Variants in LY6S observed in about 807,000 individuals in gnomAD.
LY6S encodes the protein lymphocyte antigen 6 family member S, also known as lymphocyte antigen 6S.
chr8:143,066,148 A>ATTTCT, the LY6S span: 4,723 of 253,390 alleles, frequency 0.019, 97 homozygotes, highest in Middle Eastern at 0.043. Flanking sequence ...CCAATGATGA[A>ATTTCT]TTTCTTTTCT....
At chr8:143,064,916 T>C in the LY6S span, among the ~76,000 whole-genome samples, 1 of 152,184 alleles carries the variant, frequency 6.6e-6, no homozygotes, top group Non-Finnish European at 1.5e-5. Context: ...GCAGTGAGCA[T>C]AATGTCCCAG....
the LY6S span, among the ~76,000 whole-genome samples, chr8:143,073,440 C>T: frequency 1.4e-5 from 2 of 147,434 alleles, no homozygotes; most frequent in African/African-American, 5.0e-5. Context: ...CCTCGGGGTT[C>T]CTGTTTGAGG....
chr8:143,042,853 TCTCTGAGGCCCAG>T, the LY6S span: 1 of 461,248 alleles, frequency 2.2e-6, no homozygotes, highest in African/African-American at 2.0e-5. Context: ...TGGGGCCTGG[TCTCTGAGGCCCAG>T]CTCTGAAAAA....
the LY6S span, among the ~76,000 whole-genome samples, chr8:143,053,041 A>G: frequency 6.6e-6 from 1 of 152,096 alleles, no homozygotes; most frequent in African/African-American, 2.4e-5. Flanking sequence ...ACAACAGCAA[A>G]ATGCTGCCTG....
chr8:143,049,098 G>T, the LY6S span: 1 of 516,158 alleles, frequency 1.9e-6, no homozygotes, highest in Non-Finnish European at 4.0e-6. Flanking sequence ...ACCTCCTAGC[G>T]CCCTGATTTC....
the LY6S span, chr8:143,057,722 G>A: frequency 1.0e-5 from 8 of 794,300 alleles, no homozygotes; most frequent in Non-Finnish European, 1.8e-5. Context: ...GACCTCAAAG[G>A]GCACATTCAG....
chr8:143,067,752 A>G, the LY6S span, among the ~76,000 whole-genome samples: 1 of 152,242 alleles, frequency 6.6e-6, no homozygotes, highest in African/African-American at 2.4e-5. Flanking sequence ...TATCATGAAT[A>G]AGTTCAAGGG....
the LY6S span, chr8:143,044,918 GC>G: frequency 9.3e-7 from 1 of 1,080,142 alleles, no homozygotes. Context: ...GTCCCAACCT[GC>G]CACCTGGACC....
the LY6S span, among the ~76,000 whole-genome samples, chr8:143,065,210 C>A: frequency 1.3e-5 from 2 of 152,170 alleles, no homozygotes; most frequent in African/African-American, 4.8e-5. Flanking sequence ...AGAAGCCCTG[C>A]TGCTTCCCTG....
At chr8:143,043,208 C>T in the LY6S span, 4 of 1,367,584 alleles carry the variant, frequency 2.9e-6, no homozygotes, top group East Asian at 4.6e-5. Context: ...CCAGGACCAC[C>T]GCATTGCAGA....
At chr8:143,065,783 T>TTCTTTCTTTCTTTCTTTC in the LY6S span, 4 of 115,262 alleles carry the variant, frequency 3.5e-5, no homozygotes, top group Admixed American at 1.8e-4. Flanking sequence ...CTTTCTTTCT[T>TTCTTTCTTTCTTTCTTTC]TTTCTTTCTT....
At chr8:143,048,760 G>A in the LY6S span, among the ~76,000 whole-genome samples, 14 of 152,224 alleles carry the variant, frequency 9.2e-5, no homozygotes, top group African/African-American at 2.6e-4. Flanking sequence ...GTGAGCCACC[G>A]TGCCTGGCCG....
chr8:143,064,061 G>A, the LY6S span, among the ~76,000 whole-genome samples: 2 of 152,224 alleles, frequency 1.3e-5, no homozygotes, highest in Admixed American at 6.5e-5. Context: ...AAGGGCTTGT[G>A]AGAATTTGGG....
At chr8:143,073,795 A>T in the LY6S span, among the ~76,000 whole-genome samples, 1 of 139,246 alleles carries the variant, frequency 7.2e-6, no homozygotes, top group Non-Finnish European at 1.5e-5. Context: ...TTGAGGAGAC[A>T]GCCGTCGTCC....
At chr8:143,061,251 C>A in the LY6S span, among the ~76,000 whole-genome samples, 1 of 144,414 alleles carries the variant, frequency 6.9e-6, no homozygotes. Context: ...CATAGCAAAC[C>A]CCTGTCTCTT....
chr8:143,057,849 G>T, the LY6S span: 1 of 726,536 alleles, frequency 1.4e-6, no homozygotes, highest in East Asian at 2.5e-5. Context: ...CAGCTGGCCT[G>T]ACTGGGGGCC....
At chr8:143,071,993 C>T in the LY6S span, among the ~76,000 whole-genome samples, 2 of 152,218 alleles carry the variant, frequency 1.3e-5, no homozygotes, top group Non-Finnish European at 2.9e-5. Context: ...CACATTTACC[C>T]TCTGAAAAGA....
the LY6S span, chr8:143,042,893 G>A: frequency 1.4e-6 from 1 of 718,162 alleles, no homozygotes; most frequent in African/African-American, 1.8e-5. Context: ...GTTGTTGGGG[G>A]GCATGGGCTG....
the LY6S span, among the ~76,000 whole-genome samples, chr8:143,068,693 T>C: frequency 1.3e-5 from 2 of 152,272 alleles, no homozygotes; most frequent in African/African-American, 4.8e-5. Context: ...ACAGTAATTA[T>C]ATATTTATAG....
Sources: gnomAD v4.1 joint callset for allele counts (sites outside exome capture counted in the v4.1 genomes callset) on GRCh38, gnomAD v4.1.1 for gene constraint, MANE v1.5 for transcripts, NCBI Gene and HGNC (gene_info 2026-07-23, HGNC 2026-07-21) for gene names.